Variants in XPO7 observed in about 807,000 individuals in gnomAD.
The protein encoded by XPO7 is exportin 7.
XPO7 carries 21 observed loss-of-function variants against 144.3 expected under a neutral mutation model. The ratio of observed to expected loss-of-function variants is 0.15; its 90% CI spans 0.10 to 0.21. XPO7 has a LOEUF of 0.21. XPO7 is among the 10% of genes least tolerant of loss of function. The pLI is 1.00. For synonymous variants in XPO7, 580 were observed against 499.6 expected, an observed-to-expected ratio of 1.16 and a Z score of -2.15; for missense variants, 808 against 1,325.8, an observed-to-expected ratio of 0.61 and a Z score of 6.06.
chr8:21,988,967 G>T, intron 15 of XPO7, 36 bp from the exon 16 acceptor site: 1 of 1,597,340 alleles, frequency 6.3e-7, no homozygotes, highest in Non-Finnish European at 8.5e-7. Flanking sequence ...CAAATCAAAA[G>T]GGTCTCCTGC....
At chr8:21,923,645 G>A (rs936042127) in intron 1 of XPO7, among the ~76,000 whole-genome samples, 5 of 152,142 alleles carry the variant, frequency 3.3e-5, no homozygotes, top group African/African-American at 1.2e-4. Flanking sequence ...GTACAGTGAT[G>A]GAAGAATCTC....
Position 21,994,635 on chromosome 8 carries a change from T to G in XPO7, c.2237+184T>G, listed in dbSNP as rs554970663. On this transcript the variant is annotated intron_variant, in intron 20 of 27. Coordinates refer to ENST00000252512, the MANE Select transcript of XPO7 (RefSeq NM_015024.5). ...TGACAGACATAAGGTTGTCTGAGAT[T>G]AGAACATGAATGAAGTAGTCTCCCA... is the stretch of plus-strand genomic sequence containing the variant. 2.4e-4 allele frequency among the ~76,000 whole-genome samples: 36 copies of G among 152,270 alleles called. No homozygotes were observed. In the South Asian group the frequency reaches 7.5e-3, roughly 32 times the overall value.
At chr8:21,983,984 C>G (rs1398934010) in intron 11 of XPO7, among the ~76,000 whole-genome samples, 1 of 152,162 alleles carries the variant, frequency 6.6e-6, no homozygotes, top group East Asian at 1.9e-4. Context: ...AATGCCTTGT[C>G]TGCAATTCCA....
At position 21,970,173 on chromosome 8, in the gene XPO7, C is replaced by T; in HGVS notation, c.289C>T (p.Arg97Trp). Residue 97 changes from arginine (R) to tryptophan (W), a missense_variant, in exon 4 of 28, where the codon CGG (arginine) becomes TGG (tryptophan). This residue lies in a region of XPO7 where 223 missense variants were observed against 368.8 expected (regional missense o/e 0.60). Coordinates refer to ENST00000252512, the MANE Select transcript of XPO7 (RefSeq NM_015024.5). ...CTATGTGCTCAACTACCTTGCCACT[C>T]GGCCGAAGTTGGCTACTTTCGTGAC... is the stretch of plus-strand genomic sequence containing the variant. ...RNYVLNYLAT[R>W]PKLATFVTQA... The T allele has an allele frequency of 6.2e-7, 1 of 1,613,170 alleles. No homozygotes were observed. Among genetic ancestry groups the T allele is most frequent in the Non-Finnish European group, 8.5e-7 (1 of 1,179,580 alleles).
intron 15 of XPO7, 90 bp from the exon 16 acceptor site, chr8:21,988,913 T>G: frequency 2.5e-6 from 3 of 1,222,208 alleles, no homozygotes; most frequent in Non-Finnish European, 3.5e-6. Context: ...GTGGTGACTT[T>G]TGATGAATGA....
chr8:21,978,262 C>T (rs1436174668), intron 8 of XPO7, among the ~76,000 whole-genome samples: 1 of 152,124 alleles, frequency 6.6e-6, no homozygotes, highest in Non-Finnish European at 1.5e-5. Context: ...GCATACTTAC[C>T]CTGAATAACA....
intron 5 of XPO7, among the ~76,000 whole-genome samples, chr8:21,973,272 G>C (rs1172785198): frequency 6.6e-6 from 1 of 152,114 alleles, no homozygotes; most frequent in Non-Finnish European, 1.5e-5. Flanking sequence ...TTTGAAGCTT[G>C]GCCCCACAGA....
chr8:21,921,446 A>T (rs1229683993), intron 1 of XPO7: 2 of 152,200 alleles, frequency 1.3e-5, no homozygotes, highest in Non-Finnish European at 2.9e-5. Flanking sequence ...TTTGTGAACC[A>T]TGCTTCGGAA....
At chr8:21,942,992 C>T (rs1397155005) in intron 1 of XPO7, among the ~76,000 whole-genome samples, 2 of 152,164 alleles carry the variant, frequency 1.3e-5, no homozygotes, top group Non-Finnish European at 1.5e-5. Context: ...AAGTACCAGC[C>T]GTTTTATCCA....
intron 11 of XPO7, 80 bp from the exon 12 acceptor site, chr8:21,984,566 A>G: frequency 7.6e-7 from 1 of 1,315,856 alleles, no homozygotes; most frequent in Non-Finnish European, 1.0e-6. Flanking sequence ...GGCTAAGTGA[A>G]GAAGTCAGAG....
chr8:21,989,724 T>C (rs10453141), intron 16 of XPO7, among the ~76,000 whole-genome samples: 88,047 of 151,332 alleles, frequency 0.58, 26,261 homozygotes, highest in African/African-American at 0.73. Context: ...TTGGAACCCC[T>C]GCTGAGAAAA....
At chr8:21,928,539 T>G (rs1810536937) in intron 1 of XPO7, among the ~76,000 whole-genome samples, 1 of 152,240 alleles carries the variant, frequency 6.6e-6, no homozygotes, top group Non-Finnish European at 1.5e-5. Flanking sequence ...AGTTATTTCA[T>G]AACTTCGCCA....
At chr8:21,962,405 G>GT (rs1811755041) in intron 1 of XPO7, among the ~76,000 whole-genome samples, 1 of 152,044 alleles carries the variant, frequency 6.6e-6, no homozygotes. Context: ...TTTTGTTTTT[G>GT]TTTTTTTAGC....
rs370743526 is a variant in XPO7 at position 22,005,069 on chromosome 8, G to A, written c.3245G>A (p.Ser1082Asn). 44 of 1,613,136 alleles carry A rather than the reference G, an allele frequency of 2.7e-5. 1 individual carries two copies. Among genetic ancestry groups the A allele is most frequent in the Non-Finnish European group, 3.6e-5 (42 of 1,179,532 alleles). The change falls in exon 28 of 28, where the codon AGC becomes AAC. Residue 1082 changes from serine to asparagine, a missense_variant. Ser to Asn is a conservative substitution (Grantham distance 46, BLOSUM62 1). Around this residue, in one of 5 missense-constraint regions of XPO7, gnomAD observed 140 missense variants for 237.9 expected, o/e 0.59. Coordinates refer to ENST00000252512, the MANE Select transcript of XPO7 (RefSeq NM_015024.5). Reference sequence around the variant, plus strand: ...AAGAATTCCACTTATGGCGTGAATAGCAATGACATGATGAGCTGACACCTC... The same window carrying A: ...AAGAATTCCACTTATGGCGTGAATAACAATGACATGATGAGCTGACACCTC... ...SMKNSTYGVN[S>N]NDMMS
At position 22,002,113 on chromosome 8, in the gene XPO7, C is replaced by T; in HGVS notation, c.2784C>T (p.Asp928=). ...SSISEGLTAL[D]TMVCTGCCSC... ...TACCCCTGCCTTTCTTTCTTGCAGA[C>T]ACCATGGTATGCACAGGCTGCTGCT... is the stretch of plus-strand genomic sequence containing the variant. The change falls in exon 25 of 28, where the codon GAC becomes GAT. Residue 928 remains aspartate (D), a splice_region_variant and synonymous_variant. Coordinates refer to ENST00000252512, the MANE Select transcript of XPO7 (RefSeq NM_015024.5). The T allele has an allele frequency of 3.7e-6, 6 of 1,608,106 alleles. No homozygotes were observed. Among genetic ancestry groups the T allele is most frequent in the Non-Finnish European group, 5.1e-6 (6 of 1,177,142 alleles).
At chr8:21,958,639 C>G (rs1307579408) in intron 1 of XPO7, among the ~76,000 whole-genome samples, 2 of 150,952 alleles carry the variant, frequency 1.3e-5, no homozygotes, top group Admixed American at 6.6e-5. Context: ...AAGGACCTTA[C>G]AGTTGTTTAG....
chr8:21,990,456 C>G, intron 17 of XPO7, 49 bp downstream of exon 17: 5 of 1,596,630 alleles, frequency 3.1e-6, no homozygotes, highest in Non-Finnish European at 4.3e-6. Context: ...CCCACACATA[C>G]ACTTTCTCGA....
At chr8:21,984,965 T>C in intron 12 of XPO7, 126 bp downstream of exon 12, 1 of 990,570 alleles carries the variant, frequency 1.0e-6, no homozygotes, top group Non-Finnish European at 1.5e-6. Context: ...TGTCTCCATA[T>C]GCACAAGAAT....
intron 5 of XPO7, among the ~76,000 whole-genome samples, 159 bp from the exon 6 acceptor site, chr8:21,974,511 C>G (rs976688953): frequency 6.6e-6 from 1 of 152,160 alleles, no homozygotes; most frequent in African/African-American, 2.4e-5. Flanking sequence ...ATCCTCCATC[C>G]TTTCACTAGA....
Sources: gnomAD v4.1 joint callset for allele counts (sites outside exome capture counted in the v4.1 genomes callset) on GRCh38, gnomAD v4.1.1 for gene constraint, gnomAD v4.1.1 regional missense constraint, MANE v1.5 for transcripts, NCBI Gene and HGNC (gene_info 2026-07-23, HGNC 2026-07-21) for gene names.